Variants in SMARCA4 observed in about 807,000 individuals in gnomAD.
SMARCA4 encodes SWI/SNF-related matrix-associated actin-dependent regulator of chromatin subfamily A member 4.
SMARCA4 carries 31 observed loss-of-function variants against 193.9 expected under a neutral mutation model. The observed-to-expected ratio is 0.16, with a 90% CI of 0.12 to 0.22. The LOEUF (loss-of-function observed/expected upper bound fraction) is 0.22. Ranked by LOEUF, SMARCA4 falls within the 10% of genes least tolerant of loss-of-function variation. The probability of loss-of-function intolerance (pLI) is 1.00; values close to 1 mark genes in which losing one functional copy is unlikely to be tolerated. For missense variants in SMARCA4, 1,148 were observed against 2,296.0 expected (o/e 0.50, Z 10.22); for synonymous variants, 942 against 933.1 (o/e 1.01, Z -0.17).
intron 30 of SMARCA4, among the ~76,000 whole-genome samples, chr19:11,045,801 C>A (rs1038113666): frequency 6.6e-6 from 1 of 152,028 alleles, no homozygotes; most frequent in South Asian, 2.1e-4. Flanking sequence ...TTAAAACTTT[C>A]GGCTGGGCAC....
At chr19:10,979,126 G>A (rs945401868) in intron 1 of SMARCA4, among the ~76,000 whole-genome samples, 3 of 152,170 alleles carry the variant, frequency 2.0e-5, no homozygotes, top group Non-Finnish European at 4.4e-5. Flanking sequence ...TGGGGTTGAT[G>A]AAGAGCACCT....
At chr19:11,017,257 G>C (rs2089449873) in intron 16 of SMARCA4, among the ~76,000 whole-genome samples, 1 of 152,354 alleles carries the variant, frequency 6.6e-6, no homozygotes, top group South Asian at 2.1e-4. Flanking sequence ...CCTCCGGGAA[G>C]CATCTTGAGC....
chr19:10,977,424 A>G (rs1419983040), intron 1 of SMARCA4, among the ~76,000 whole-genome samples: 1 of 151,858 alleles, frequency 6.6e-6, no homozygotes, highest in African/African-American at 2.4e-5. Context: ...CTCGGGTTCA[A>G]TCAATTCTCC....
chr19:10,978,393 T>C (rs1326661565), intron 1 of SMARCA4, among the ~76,000 whole-genome samples: 2 of 152,100 alleles, frequency 1.3e-5, no homozygotes, highest in African/African-American at 4.8e-5. Flanking sequence ...AGTGCAATGA[T>C]GTAATCTCGG....
rs140522425 is a variant in SMARCA4 at position 11,053,927 on chromosome 19, A to T, written c.4425-4328A>T. Among the ~76,000 whole-genome samples the T allele has an allele frequency of 4.9e-3, 750 of 152,282 alleles. 4 individuals are homozygous for T. The highest frequency in any genetic ancestry group is 0.017 in the African/African-American group (694 of 41,542). On this transcript the variant is annotated intron_variant, in intron 30 of 34. Coordinates refer to ENST00000344626, the MANE Select transcript of SMARCA4 (RefSeq NM_003072.5). ...TCGTGTCTGTAAAAAGAGAGAAAAG[A>T]AACAGACAATTCCTAGACTGCAGCA...
At chr19:10,967,381 G>C (rs1172985319) in intron 1 of SMARCA4, among the ~76,000 whole-genome samples, 2 of 152,154 alleles carry the variant, frequency 1.3e-5, no homozygotes, top group Non-Finnish European at 2.9e-5. Flanking sequence ...CACGATCTCA[G>C]CTCACTGCAA....
At chr19:11,008,188 T>C in intron 14 of SMARCA4, 165 bp downstream of exon 14, 1 of 678,830 alleles carries the variant, frequency 1.5e-6, no homozygotes, top group Non-Finnish European at 2.6e-6. Context: ...TTTCATGTAT[T>C]TTATAGGGAT....
chr19:11,027,699 G>A (rs986968981), intron 23 of SMARCA4, 85 bp from the exon 24 acceptor site: 69 of 1,471,868 alleles, frequency 4.7e-5, no homozygotes, highest in Middle Eastern at 2.0e-4. Flanking sequence ...GCCTGGAGGC[G>A]GGCGATGCAC....
chr19:11,053,897 C>G (rs148296828), intron 30 of SMARCA4, among the ~76,000 whole-genome samples: 2 of 152,262 alleles, frequency 1.3e-5, no homozygotes, highest in East Asian at 3.9e-4. Context: ...GGCAACAGAA[C>G]AAGATCGTGT....
intron 1 of SMARCA4, among the ~76,000 whole-genome samples, chr19:10,966,842 C>G (rs776337879): frequency 3.2e-4 from 47 of 147,808 alleles, no homozygotes; most frequent in Non-Finnish European, 5.4e-4. Flanking sequence ...GAGCCGAGAT[C>G]GTGCCGCTGC....
At chr19:11,020,727 T>C (rs75162188) in intron 18 of SMARCA4, 5,314 of 152,274 alleles carry the variant, frequency 0.035, 132 homozygotes, top group African/African-American at 0.041. Context: ...TTGACCCAGG[T>C]ATGGGGGGAT....
intron 9 of SMARCA4, 115 bp from the exon 10 acceptor site, chr19:10,996,098 C>T (rs946815610): frequency 2.4e-5 from 24 of 1,005,488 alleles, no homozygotes; most frequent in African/African-American, 4.7e-5. Context: ...GCTGGTGGCA[C>T]GGCACCCGCG....
chr19:11,010,923 G>A (rs1206219556), intron 15 of SMARCA4: 3 of 337,632 alleles, frequency 8.9e-6, no homozygotes, highest in Non-Finnish European at 1.8e-5. Context: ...GCATGCTCAG[G>A]ACAGGTTACC....
In SMARCA4 at chr19:11,061,841, C is replaced by T. The variant is rs189436737; in HGVS notation, c.*25C>T. 2.6e-4 allele frequency: 413 copies of T among 1,612,570 alleles called. 1 individual carries two copies. Among genetic ancestry groups the T allele is most frequent in the East Asian group, 1.2e-3 (52 of 44,878 alleles). The stretch of plus-strand genomic sequence containing the variant: ...AGCCCCGACATTCCAGTCTCGACCC[C>T]GAGCCCCTCGTTCCAGAGCTGAGAT... On this transcript the variant is annotated 3_prime_UTR_variant, in exon 35 of 35. Transcript: ENST00000344626.
intron 1 of SMARCA4, among the ~76,000 whole-genome samples, chr19:10,982,608 T>C (rs1270413531): frequency 6.6e-6 from 1 of 150,604 alleles, no homozygotes; most frequent in Non-Finnish European, 1.5e-5. Flanking sequence ...CACACCATTC[T>C]CCTGGCTCAG....
At chr19:11,054,745 C>T (rs1196175034) in intron 30 of SMARCA4, among the ~76,000 whole-genome samples, 1 of 152,118 alleles carries the variant, frequency 6.6e-6, no homozygotes, top group Non-Finnish European at 1.5e-5. Context: ...GCCGAGATCA[C>T]GCCACTGCAT....
Position 11,058,264 on chromosome 19 carries a change from A to G in SMARCA4, c.4434A>G (p.Gly1478=), listed in dbSNP as rs1060504444. The change falls in exon 31 of 35, where the codon GGA becomes GGG. Residue 1478 remains glycine, a synonymous_variant. Transcript: ENST00000344626. The surrounding 1 kb of genome is among the most constrained non-coding windows in gnomAD (Gnocchi z 5.8). ...AVIKYKDSSS[G]RQLSEVFIQL... ...CGGTTCTGCCTTGCAGCAGCAGTGG[A>G]CGTCAGCTCAGCGAGGTCTTCATCC... 1 of 1,611,984 alleles carries G rather than the reference A, an allele frequency of 6.2e-7. No homozygotes were observed. The highest frequency in any genetic ancestry group is 1.3e-5 in the African/African-American group (1 of 74,890).
chr19:11,036,261 C>A (rs1371621538), intron 29 of SMARCA4, among the ~76,000 whole-genome samples: 1 of 152,194 alleles, frequency 6.6e-6, no homozygotes, highest in Non-Finnish European at 1.5e-5. Flanking sequence ...AGCTGTTTGG[C>A]TGCTGTATGA....
intron 30 of SMARCA4, among the ~76,000 whole-genome samples, chr19:11,043,280 C>T (rs2075723477): frequency 6.6e-6 from 1 of 151,952 alleles, no homozygotes; most frequent in Non-Finnish European, 1.5e-5. Context: ...CAGAGTGAGA[C>T]TCCGTCTCAA....
Sources: gnomAD v4.1 joint callset for allele counts (sites outside exome capture counted in the v4.1 genomes callset) on GRCh38, gnomAD v4.1.1 for gene constraint, Gnocchi (gnomAD v3.1) non-coding constraint, MANE v1.5 for transcripts, NCBI Gene and HGNC (gene_info 2026-07-23, HGNC 2026-07-21) for gene names.